The following SGCD variants were observed in gnomAD, a reference collection of about 807,000 sequenced individuals.
The protein encoded by SGCD is delta-sarcoglycan.
Under a neutral mutation model 36.6 loss-of-function variants are expected in SGCD, and 18 were observed. The ratio of observed to expected loss-of-function variants is 0.49; its 90% confidence interval spans 0.34 to 0.73. The LOEUF (loss-of-function observed/expected upper bound fraction) is 0.73, where lower values mean the gene tolerates loss of function less well. SGCD is among the 30% of genes least tolerant of loss of function. The pLI, the probability that SGCD is intolerant of heterozygous loss-of-function variation, is 0.01. For missense variants in SGCD, 387 were observed against 346.7 expected, an observed-to-expected ratio of 1.12 and a Z score of -0.92; for synonymous variants, 133 against 130.6, an observed-to-expected ratio of 1.02 and a Z score of -0.12.
Position 156,576,021 on chromosome 5 carries a change from C to G in SGCD, c.295-13210C>G, listed in dbSNP as rs188528824. Among the ~76,000 whole-genome samples, 119 of 152,188 alleles carry G rather than the reference C, an allele frequency of 7.8e-4. 1 individual carries two copies. The highest frequency in any genetic ancestry group is 2.7e-3 in the African/African-American group (112 of 41,516). ...ACCTGTGCCATGTTGGTGTGCTGCA[C>G]CCATTAACCTGTCATTTACATTAGG... On this transcript the variant is annotated intron_variant, in intron 4 of 8. Transcript: ENST00000337851.
intron 4 of SGCD, among the ~76,000 whole-genome samples, chr5:156,527,278 A>T (rs144973216): frequency 6.6e-6 from 1 of 152,192 alleles, no homozygotes; most frequent in Non-Finnish European, 1.5e-5. Context: ...ATGGGTTAAG[A>T]TCAGAAAAAA....
chr5:156,387,695 G>C (rs1771343805), intron 3 of SGCD, among the ~76,000 whole-genome samples: 1 of 152,148 alleles, frequency 6.6e-6, no homozygotes, highest in African/African-American at 2.4e-5. Context: ...TTTCTGAGAT[G>C]TTGGGAAGAA....
chr5:156,734,992 C>T (rs1179702035), intron 7 of SGCD, among the ~76,000 whole-genome samples: 3 of 152,158 alleles, frequency 2.0e-5, no homozygotes, highest in Middle Eastern at 3.2e-3. Flanking sequence ...TACCTTCAGT[C>T]TTTGAGGTTG....
chr5:155,956,341 A>G (rs570381888), intron 1 of SGCD, among the ~76,000 whole-genome samples: 1 of 152,232 alleles, frequency 6.6e-6, no homozygotes, highest in Non-Finnish European at 1.5e-5. Flanking sequence ...TTTGTGACCA[A>G]TGGAACACTG....
chr5:156,703,524 T>C (rs1754612830), intron 7 of SGCD, among the ~76,000 whole-genome samples: 2 of 152,156 alleles, frequency 1.3e-5, no homozygotes, highest in Non-Finnish European at 1.5e-5. Flanking sequence ...AAAAGATCAA[T>C]GGCTCATGAT....
At chr5:155,852,828 C>A in the SGCD span, among the ~76,000 whole-genome samples, 1 of 152,080 alleles carries the variant, frequency 6.6e-6, no homozygotes, top group Non-Finnish European at 1.5e-5. Flanking sequence ...TAAATCACCT[C>A]TCAGTGCATT....
the SGCD span, among the ~76,000 whole-genome samples, chr5:155,751,703 T>G: frequency 3.4e-5 from 5 of 148,718 alleles, no homozygotes; most frequent in Non-Finnish European, 7.4e-5. Context: ...TATCAAGGTG[T>G]TTTTTTTTAT....
intron 1 of SGCD, among the ~76,000 whole-genome samples, chr5:156,067,818 A>C (rs1419071983): frequency 7.2e-6 from 1 of 138,926 alleles, no homozygotes; most frequent in Non-Finnish European, 1.5e-5. Flanking sequence ...GTGCGCACAC[A>C]CACTGGCCTG....
intron 3 of SGCD, among the ~76,000 whole-genome samples, chr5:156,415,134 G>T (rs1177870732): frequency 6.6e-6 from 1 of 151,966 alleles, no homozygotes; most frequent in Admixed American, 6.6e-5. Context: ...GTAAAGGTCT[G>T]TCTTTAGTTA....
At chr5:156,741,117 TCCCCAAAGTAA>T (rs1432109624) in intron 7 of SGCD, among the ~76,000 whole-genome samples, 2 of 152,046 alleles carry the variant, frequency 1.3e-5, no homozygotes, top group Non-Finnish European at 2.9e-5. Flanking sequence ...TGAAGGTCGC[TCCCCAAAGTAA>T]CAAAAGCCAT....
In SGCD at chr5:156,655,167, T is replaced by C. The variant is rs1041658469; in HGVS notation, c.575+7631T>C. ...GACCACAACTTATTTAGACACAGAC[T>C]GTCTTTTAAAATAGACAAGCAGAAA... On this transcript the variant is annotated intron_variant, in intron 7 of 8. Coordinates refer to ENST00000337851, the MANE Select transcript of SGCD (RefSeq NM_000337.6). Among the ~76,000 whole-genome samples, 11 of 152,162 alleles carry C rather than the reference T, an allele frequency of 7.2e-5. No individual in the cohort carries two copies. In the East Asian group the frequency reaches 2.1e-3, roughly 29 times the overall value.
In SGCD at chr5:156,766,481, T is replaced by G. The variant is rs1288338737; in HGVS notation, c.*7091T>G. The G allele has an allele frequency of 1.3e-5, 2 of 151,362 alleles. No homozygotes were observed. Among genetic ancestry groups the G allele is most frequent in the Non-Finnish European group, 2.9e-5 (2 of 67,920 alleles). 9.4% of individuals were successfully genotyped at this position (151,362 alleles called of 1,614,324 possible). A position where few individuals can be genotyped will look rare whatever the true frequency, so the allele number is the denominator to read the frequency against. ...CTCCTCCCCAGAGCACTCAGGCCGTTACTACCAATTTATCTGAGTTGGAAA... is the reference window on the plus strand; with the variant it reads ...CTCCTCCCCAGAGCACTCAGGCCGTGACTACCAATTTATCTGAGTTGGAAA... On this transcript the variant is annotated 3_prime_UTR_variant, in exon 9 of 9. Coordinates refer to ENST00000337851, the MANE Select transcript of SGCD (RefSeq NM_000337.6).
intron 1 of SGCD, among the ~76,000 whole-genome samples, chr5:156,068,261 A>G (rs1261153033): frequency 1.3e-5 from 2 of 151,726 alleles, no homozygotes; most frequent in Non-Finnish European, 2.9e-5. Flanking sequence ...TCCTAAAGCT[A>G]TCCCTCCCCC....
intron 3 of SGCD, among the ~76,000 whole-genome samples, chr5:156,444,174 CCTT>C (rs1175871519): frequency 2.9e-5 from 4 of 136,574 alleles, no homozygotes; most frequent in Admixed American, 7.4e-5. Flanking sequence ...CTCTCTCTCT[CCTT>C]CCCTCTCTCT....
chr5:156,262,464 C>T (rs1277446941), intron 3 of SGCD, among the ~76,000 whole-genome samples: 11 of 152,084 alleles, frequency 7.2e-5, no homozygotes, highest in African/African-American at 2.4e-4. Context: ...CTATGATGTT[C>T]GCACAATGAC....
chr5:155,928,031 A>T (rs1398489484), intron 1 of SGCD, among the ~76,000 whole-genome samples: 1 of 152,248 alleles, frequency 6.6e-6, no homozygotes, highest in Non-Finnish European at 1.5e-5. Context: ...GGTCTGCAGC[A>T]TTATAGAATG....
intron 3 of SGCD, among the ~76,000 whole-genome samples, chr5:156,389,002 A>G (rs1293298055): frequency 1.3e-5 from 2 of 152,160 alleles, no homozygotes; most frequent in African/African-American, 4.8e-5. Context: ...GGGAAGGTAC[A>G]ATACAATTCT....
chr5:156,458,425 C>T (rs1754347117), intron 3 of SGCD: 2 of 1,607,408 alleles, frequency 1.2e-6, no homozygotes, highest in East Asian at 4.5e-5. Context: ...TAGTAGACAC[C>T]AATCTGAGGG....
intron 4 of SGCD, among the ~76,000 whole-genome samples, chr5:156,581,837 C>T (rs1760275290): frequency 6.6e-6 from 1 of 152,174 alleles, no homozygotes; most frequent in East Asian, 1.9e-4. Context: ...AATGGCTTCC[C>T]TTGGCTAGGA....
Sources: allele counts gnomAD v4.1 joint callset (sites outside exome capture counted in the v4.1 genomes callset), GRCh38; gene constraint gnomAD v4.1.1; transcripts MANE v1.5; gene names NCBI Gene and HGNC (gene_info 2026-07-23, HGNC 2026-07-21).